ELAVL2: variants seen among roughly 807,000 people sequenced by gnomAD.
ELAVL2 encodes the protein ELAV like RNA binding protein 2, also known as ELAV-like protein 2.
Under a neutral mutation model 34.6 loss-of-function variants are expected in ELAVL2, and 4 were observed. The observed-to-expected ratio is 0.12, with a 90% CI of 0.06 to 0.26. The LOEUF is 0.26. Among genes scored for constraint, ELAVL2 ranks in the 10% least tolerant of loss-of-function variants. The pLI is 1.00. For synonymous variants in ELAVL2, 193 were observed against 154.8 expected (o/e 1.25, Z -1.83); for missense variants, 432 against 442.8 (o/e 0.98, Z 0.22).
the ELAVL2 span, chr9:23,849,772 G>A: frequency 6.6e-6 from 1 of 152,158 alleles, no homozygotes. Flanking sequence ...GTTTGTACGG[G>A]TTTCTTTTTG....
At chr9:23,733,074 G>T (rs1187743122) in intron 2 of ELAVL2, among the ~76,000 whole-genome samples, 1 of 149,332 alleles carries the variant, frequency 6.7e-6, no homozygotes, top group Non-Finnish European at 1.5e-5. Flanking sequence ...TAGTCTAATT[G>T]CCCTTTCTAC....
intron 1 of ELAVL2, among the ~76,000 whole-genome samples, chr9:23,780,602 T>G (rs777192432): frequency 6.6e-6 from 1 of 152,234 alleles, no homozygotes; most frequent in Non-Finnish European, 1.5e-5. Context: ...TCTTCTTATA[T>G]TCTTCATTAA....
rs758273212 is a variant in ELAVL2 at position 23,807,344 on chromosome 9, T to C, written c.-16+18462A>G. Among the ~76,000 whole-genome samples, 42 of 152,274 alleles carry C rather than the reference T, an allele frequency of 2.8e-4. 1 individual carries two copies. The highest frequency in any genetic ancestry group is 9.1e-4 in the African/African-American group (38 of 41,556). ...ACTTCCTCATTTTCCTTAACCTTTT[T>C]TCCGTGTCTTTTCCAATTGCTTAGA... On this transcript the variant is annotated intron_variant, in intron 1 of 6. Coordinates refer to ENST00000397312, the MANE Select transcript of ELAVL2 (RefSeq NM_004432.5).
chr9:23,700,507 G>A (rs973063349), intron 5 of ELAVL2, among the ~76,000 whole-genome samples: 46 of 152,148 alleles, frequency 3.0e-4, no homozygotes, highest in African/African-American at 9.7e-4. Flanking sequence ...CTAAAGCCAC[G>A]GTCATTCTAT....
chr9:23,747,228 T>C (rs1046953865), intron 2 of ELAVL2, among the ~76,000 whole-genome samples: 4 of 151,998 alleles, frequency 2.6e-5, no homozygotes, highest in African/African-American at 9.7e-5. Flanking sequence ...GTACCAGCCA[T>C]GGATAATGTG....
At chr9:23,804,293 A>G (rs948608908) in intron 1 of ELAVL2, among the ~76,000 whole-genome samples, 1 of 151,928 alleles carries the variant, frequency 6.6e-6, no homozygotes, top group African/African-American at 2.4e-5. Flanking sequence ...AGACAGAAAT[A>G]TTTAATTTCT....
intron 1 of ELAVL2, among the ~76,000 whole-genome samples, chr9:23,782,842 G>A (rs2059240412): frequency 6.6e-6 from 1 of 152,182 alleles, no homozygotes; most frequent in South Asian, 2.1e-4. Context: ...GCCCGATGTG[G>A]AAGCATAGCT....
chr9:23,726,858 G>T (rs1328056474), intron 3 of ELAVL2, among the ~76,000 whole-genome samples: 1 of 151,996 alleles, frequency 6.6e-6, no homozygotes, highest in Non-Finnish European at 1.5e-5. Context: ...AATGAGTAGA[G>T]AAAGAGCATG....
upstream of ELAVL2, chr9:23,829,598 G>C (rs2065434879): frequency 1.3e-5 from 2 of 152,172 alleles, no homozygotes; most frequent in Admixed American, 1.3e-4. Flanking sequence ...AAATATGATA[G>C]TTTAATGTCT....
intron 2 of ELAVL2, among the ~76,000 whole-genome samples, chr9:23,749,991 C>T (rs1383189630): frequency 6.7e-6 from 1 of 149,028 alleles, no homozygotes; most frequent in East Asian, 2.0e-4. Context: ...AGTCACTGGT[C>T]ATGAACACAG....
intron 2 of ELAVL2, among the ~76,000 whole-genome samples, chr9:23,755,566 T>A (rs554445082): frequency 4.6e-5 from 7 of 152,314 alleles, no homozygotes; most frequent in African/African-American, 1.4e-4. Context: ...CTTTTGCCTA[T>A]GAGAGATGTT....
intron 6 of ELAVL2, 48 bp from the exon 7 acceptor site, chr9:23,692,932 CAG>C (rs2033685908): frequency 6.4e-7 from 1 of 1,562,746 alleles, no homozygotes; most frequent in East Asian, 2.3e-5. Flanking sequence ...AAAATAAAAA[CAG>C]AGGTTGGTTA....
At chr9:23,801,749 T>C (rs1224920606) in intron 1 of ELAVL2, among the ~76,000 whole-genome samples, 1 of 152,182 alleles carries the variant, frequency 6.6e-6, no homozygotes, top group Non-Finnish European at 1.5e-5. Flanking sequence ...TAGAAAGAAA[T>C]TAATTCTATT....
chr9:23,780,791 T>C (rs758583187), intron 1 of ELAVL2, among the ~76,000 whole-genome samples: 3 of 152,190 alleles, frequency 2.0e-5, no homozygotes, highest in Admixed American at 6.5e-5. Context: ...AGTTAAGACA[T>C]GGCCAGGTAA....
intron 3 of ELAVL2, among the ~76,000 whole-genome samples, chr9:23,719,677 T>C (rs1189508473): frequency 6.6e-6 from 1 of 152,136 alleles, no homozygotes; most frequent in Non-Finnish European, 1.5e-5. Context: ...ATAAAATGTG[T>C]GGAAGCTCTT....
chr9:23,733,485 G>A (rs2047104035), intron 2 of ELAVL2, among the ~76,000 whole-genome samples: 1 of 152,184 alleles, frequency 6.6e-6, no homozygotes, highest in Admixed American at 6.5e-5. Context: ...GGGCTACAAC[G>A]GGGCTGCTGG....
chr9:23,775,454 A>G (rs538622096), intron 1 of ELAVL2, among the ~76,000 whole-genome samples: 12 of 152,310 alleles, frequency 7.9e-5, no homozygotes, highest in Admixed American at 7.2e-4. Flanking sequence ...AGTTCACACA[A>G]GTATTAAGTG....
chr9:23,695,687 T>C (rs961996986), intron 5 of ELAVL2, among the ~76,000 whole-genome samples: 1 of 152,202 alleles, frequency 6.6e-6, no homozygotes, highest in East Asian at 1.9e-4. Context: ...TACTGAATAC[T>C]GTAGGTAATT....
chr9:23,745,905 G>C (rs1325548901), intron 2 of ELAVL2, among the ~76,000 whole-genome samples: 2 of 152,172 alleles, frequency 1.3e-5, no homozygotes, highest in Non-Finnish European at 2.9e-5. Context: ...AAGACCTGCT[G>C]TGTGAATGCT....
Sources: allele counts gnomAD v4.1 joint callset (sites outside exome capture counted in the v4.1 genomes callset), GRCh38; gene constraint gnomAD v4.1.1; transcripts MANE v1.5; gene names NCBI Gene and HGNC (gene_info 2026-07-23, HGNC 2026-07-21).